The following GRIN2A variants were observed in gnomAD, a reference collection of about 807,000 sequenced individuals.
GRIN2A encodes glutamate ionotropic receptor NMDA type subunit 2A.
A neutral mutation model predicts 113.4 loss-of-function variants in GRIN2A; 22 were observed. The observed-to-expected ratio is 0.19, with a 90% CI of 0.14 to 0.28. GRIN2A has a LOEUF of 0.28. GRIN2A is among the 10% of genes least tolerant of loss of function. The probability of loss-of-function intolerance (pLI) is 1.00; values close to 1 mark genes in which losing one functional copy is unlikely to be tolerated. For missense variants in GRIN2A, 1,502 were observed against 1,887.0 expected, an observed-to-expected ratio of 0.80 and a Z score of 3.78; for synonymous variants, 827 against 738.4, an observed-to-expected ratio of 1.12 and a Z score of -1.94.
At chr16:10,107,281 A>G (rs1596512999) in intron 2 of GRIN2A, among the ~76,000 whole-genome samples, 1 of 152,224 alleles carries the variant, frequency 6.6e-6, no homozygotes, top group African/African-American at 2.4e-5. Flanking sequence ...ATATCCATGT[A>G]GGAAGATGGA....
At chr16:10,014,733 C>T (rs990958119) in intron 2 of GRIN2A, among the ~76,000 whole-genome samples, 4 of 152,018 alleles carry the variant, frequency 2.6e-5, no homozygotes, top group Non-Finnish European at 5.9e-5. Context: ...AAGTGACAAC[C>T]GTTTTAAGTC....
At chr16:10,029,110 C>T (rs544227467) in intron 2 of GRIN2A, among the ~76,000 whole-genome samples, 73 of 152,238 alleles carry the variant, frequency 4.8e-4, no homozygotes, top group African/African-American at 1.7e-3. Flanking sequence ...TCTTTCTGTC[C>T]CCACTGAATC....
chr16:9,916,203 A>C (rs2044246519), intron 3 of GRIN2A, among the ~76,000 whole-genome samples: 1 of 152,220 alleles, frequency 6.6e-6, no homozygotes, highest in Admixed American at 6.5e-5. Context: ...TGAGTCTAAA[A>C]CACTATATAA....
intron 2 of GRIN2A, among the ~76,000 whole-genome samples, chr16:10,122,022 C>A: frequency 6.6e-6 from 1 of 152,168 alleles, no homozygotes; most frequent in East Asian, 1.9e-4. Flanking sequence ...AAAGGCTTCA[C>A]GTCAGATGAA....
At chr16:9,891,123 A>C in intron 3 of GRIN2A, 23 bp from the exon 4 acceptor site, 6 of 1,421,400 alleles carry the variant, frequency 4.2e-6, no homozygotes, top group Non-Finnish European at 6.0e-6. Flanking sequence ...AGAGAGAAAG[A>C]CAAATTTTTA....
At chr16:9,979,639 A>C (rs938090273) in intron 2 of GRIN2A, among the ~76,000 whole-genome samples, 3 of 151,952 alleles carry the variant, frequency 2.0e-5, no homozygotes, top group African/African-American at 7.3e-5. Context: ...GTCTCCCTAT[A>C]CTAGAATCTG....
At chr16:10,003,437 G>A (rs1240070494) in intron 2 of GRIN2A, among the ~76,000 whole-genome samples, 2 of 152,166 alleles carry the variant, frequency 1.3e-5, no homozygotes, top group Non-Finnish European at 2.9e-5. Context: ...GGAAAAAGCT[G>A]GATAGGCCTG....
intron 2 of GRIN2A, among the ~76,000 whole-genome samples, chr16:10,101,358 TAA>T: frequency 6.6e-6 from 1 of 152,274 alleles, no homozygotes; most frequent in South Asian, 2.1e-4. Context: ...GAACAGAAAC[TAA>T]AAGCCACAAC....
At chr16:10,053,150 A>C (rs1283137568) in intron 2 of GRIN2A, among the ~76,000 whole-genome samples, 1 of 152,182 alleles carries the variant, frequency 6.6e-6, no homozygotes, top group Non-Finnish European at 1.5e-5. Context: ...GGGCCACAAC[A>C]GTGAATGGAG....
At position 9,763,518 on chromosome 16, in the gene GRIN2A, G is replaced by A. The variant is rs1167057636; in HGVS notation, c.4026C>T (p.Ser1342=). The change falls in exon 13 of 13, where the codon TCC becomes TCT. Residue 1342 remains serine, a synonymous_variant. Transcript: ENST00000330684. ...TGTCCTCCAGACCTTGGGGGAAAAG[G>A]GAGCTTTTTTTCCCCGAGAGTTTGC... ...PSSKLSGKKS[S]LFPQGLEDSK... 1.2e-6 allele frequency: 2 copies of A among 1,614,062 alleles called. No individual in the cohort carries two copies. Among genetic ancestry groups the A allele is most frequent in the South Asian group, 2.2e-5 (2 of 91,052 alleles).
intron 3 of GRIN2A, among the ~76,000 whole-genome samples, chr16:9,934,677 C>CTAAA: frequency 9.8e-5 from 1 of 10,154 alleles, no homozygotes; most frequent in East Asian, 7.2e-4. Context: ...GAGACTCTGT[C>CTAAA]TAAAAAAAAA....
chr16:9,948,421 C>G (rs1408860980), intron 2 of GRIN2A, among the ~76,000 whole-genome samples: 2 of 152,164 alleles, frequency 1.3e-5, no homozygotes, highest in South Asian at 4.1e-4. Flanking sequence ...ACCAAGCTTT[C>G]AGTAGCAAAG....
intron 2 of GRIN2A, among the ~76,000 whole-genome samples, chr16:10,052,447 C>T (rs1175992261): frequency 6.6e-6 from 1 of 152,190 alleles, no homozygotes; most frequent in African/African-American, 2.4e-5. Flanking sequence ...ATGCACTGAA[C>T]TTCCAACAGG....
intron 2 of GRIN2A, among the ~76,000 whole-genome samples, chr16:9,994,990 C>T (rs1596399615): frequency 6.6e-6 from 1 of 152,268 alleles, no homozygotes. Context: ...TGGAGACTGA[C>T]TCGGTCAAAC....
intron 3 of GRIN2A, among the ~76,000 whole-genome samples, chr16:9,932,874 T>A (rs2044629064): frequency 6.6e-6 from 1 of 152,158 alleles, no homozygotes; most frequent in African/African-American, 2.4e-5. Flanking sequence ...TTCGAACCCA[T>A]GCAACCTGGC....
In GRIN2A at chr16:9,966,815, G is replaced by C. The variant is rs72772150; in HGVS notation, c.415-28264C>G. ...TGACAATCCCTGCCCCTCACTTTCT[G>C]ATTCAGTAGGATGCATATGGGCCTG... On this transcript the variant is annotated intron_variant, in intron 2 of 12. Coordinates refer to ENST00000330684, the MANE Select transcript of GRIN2A (RefSeq NM_001134407.3). Among the ~76,000 whole-genome samples the C allele has an allele frequency of 4.3e-3, 662 of 152,274 alleles. 4 individuals are homozygous for C. In the Middle Eastern group the frequency reaches 0.051, roughly 12 times the overall value.
At chr16:10,039,533 G>C (rs74008916) in intron 2 of GRIN2A, among the ~76,000 whole-genome samples, 32,915 of 151,860 alleles carry the variant, frequency 0.22, 4,259 homozygotes, top group East Asian at 0.52. Flanking sequence ...GGCAGGATGG[G>C]AGCAAGGCTT....
chr16:9,906,778 CACTTTT>C (rs2044036212), intron 3 of GRIN2A, among the ~76,000 whole-genome samples: 1 of 152,174 alleles, frequency 6.6e-6, no homozygotes, highest in Non-Finnish European at 1.5e-5. Context: ...AATCATTTTG[CACTTTT>C]TTGTGCCTAA....
intron 2 of GRIN2A, among the ~76,000 whole-genome samples, chr16:10,123,819 T>A (rs750539327): frequency 6.6e-6 from 1 of 152,208 alleles, no homozygotes; most frequent in Non-Finnish European, 1.5e-5. Flanking sequence ...GCCTCCACTG[T>A]TTACCCTTTC....
Sources: allele counts gnomAD v4.1 joint callset (sites outside exome capture counted in the v4.1 genomes callset), GRCh38; gene constraint gnomAD v4.1.1; transcripts MANE v1.5; gene names NCBI Gene and HGNC (gene_info 2026-07-23, HGNC 2026-07-21).